Variants in CHRM3 observed in about 807,000 individuals in gnomAD.
CHRM3 encodes the protein muscarinic acetylcholine receptor M3.
CHRM3 carries 11 observed loss-of-function variants against 41.8 expected under a neutral mutation model. The observed-to-expected ratio is 0.26, with a 90% CI of 0.17 to 0.44. CHRM3 has a LOEUF of 0.44. Among genes scored for constraint, CHRM3 ranks in the 20% least tolerant of loss-of-function variants. The pLI, the probability that CHRM3 is intolerant of heterozygous loss-of-function variation, is 1.00. For missense variants in CHRM3, 571 were observed against 745.4 expected, an observed-to-expected ratio of 0.77 and a Z score of 2.72; for synonymous variants, 297 against 301.4, an observed-to-expected ratio of 0.99 and a Z score of 0.15.
chr1:239,734,415 G>A lies in CHRM3; in HGVS notation c.-147+56127G>A, dbSNP rs111345072. On this transcript the variant is annotated intron_variant, in intron 5 of 6. Transcript: ENST00000676153. Reference sequence around the variant, plus strand: ...CAATTAATTGAAACATATTAAGTGTGTTAAAATTCCATGGATTTATAATAA... The same window carrying A: ...CAATTAATTGAAACATATTAAGTGTATTAAAATTCCATGGATTTATAATAA... Among the ~76,000 whole-genome samples, 596 of 152,176 alleles carry A rather than the reference G, an allele frequency of 3.9e-3. 2 individuals are homozygous for A. The highest frequency in any genetic ancestry group is 0.013 in the African/African-American group (551 of 41,534).
intron 5 of CHRM3, among the ~76,000 whole-genome samples, chr1:239,684,515 G>A (rs894849217): frequency 8.6e-5 from 13 of 151,748 alleles, no homozygotes; most frequent in African/African-American, 2.9e-4. Context: ...GCAACATGGT[G>A]AAACCCCATC....
intron 4 of CHRM3, among the ~76,000 whole-genome samples, chr1:239,645,237 C>T (rs1671642384): frequency 6.6e-6 from 1 of 152,230 alleles, no homozygotes; most frequent in African/African-American, 2.4e-5. Context: ...ACTAGGGCCC[C>T]TGCCCAAGCC....
chr1:239,871,977 T>C (rs563787114), intron 6 of CHRM3, among the ~76,000 whole-genome samples: 1 of 152,298 alleles, frequency 6.6e-6, no homozygotes, highest in East Asian at 1.9e-4. Flanking sequence ...GTTGTGTTGA[T>C]TGAATTCTGG....
chr1:239,781,520 A>AT (rs1043379940), intron 5 of CHRM3, among the ~76,000 whole-genome samples: 1 of 151,852 alleles, frequency 6.6e-6, no homozygotes, highest in Non-Finnish European at 1.5e-5. Flanking sequence ...TGTTTTGGGG[A>AT]TTTTTTATGG....
At chr1:239,555,258 T>C (rs1233401536) in intron 3 of CHRM3, among the ~76,000 whole-genome samples, 1 of 152,226 alleles carries the variant, frequency 6.6e-6, no homozygotes, top group Non-Finnish European at 1.5e-5. Context: ...TTTTTGGTTC[T>C]TTGATTAAAG....
chr1:239,526,887 T>G (rs1238066334), intron 2 of CHRM3, among the ~76,000 whole-genome samples: 1 of 152,072 alleles, frequency 6.6e-6, no homozygotes, highest in Non-Finnish European at 1.5e-5. Context: ...TTGGGACTAC[T>G]AGGTAGGAGG....
chr1:239,892,430 C>A (rs926247274), intron 6 of CHRM3, among the ~76,000 whole-genome samples: 2 of 152,154 alleles, frequency 1.3e-5, no homozygotes, highest in African/African-American at 2.4e-5. Flanking sequence ...ATGATTTAAT[C>A]AAAATCTGAA....
chr1:239,431,055 C>T (rs141665044), intron 1 of CHRM3, among the ~76,000 whole-genome samples: 36 of 152,208 alleles, frequency 2.4e-4, no homozygotes, highest in Non-Finnish European at 4.0e-4. Flanking sequence ...TACTGTGGAA[C>T]CAAACTCTTC....
chr1:239,471,498 A>G (rs1666120714), intron 1 of CHRM3, among the ~76,000 whole-genome samples: 1 of 152,212 alleles, frequency 6.6e-6, no homozygotes, highest in Non-Finnish European at 1.5e-5. Flanking sequence ...GGGTTGTCTT[A>G]TGGCTCAGAG....
chr1:239,818,085 T>G (rs1671741126), intron 5 of CHRM3, among the ~76,000 whole-genome samples: 1 of 152,156 alleles, frequency 6.6e-6, no homozygotes, highest in African/African-American at 2.4e-5. Context: ...ATCTCACAGT[T>G]CTGGAAGCTG....
At chr1:239,738,020 A>C (rs1439097906) in intron 5 of CHRM3, among the ~76,000 whole-genome samples, 2 of 152,200 alleles carry the variant, frequency 1.3e-5, no homozygotes, top group African/African-American at 4.8e-5. Context: ...ACAACAACAA[A>C]AAACTGAAAT....
chr1:239,589,215 T>C (rs2148626792), intron 3 of CHRM3, among the ~76,000 whole-genome samples: 1 of 152,228 alleles, frequency 6.6e-6, no homozygotes, highest in East Asian at 1.9e-4. Flanking sequence ...ATTACAGGCG[T>C]GAGCCACTGT....
intron 1 of CHRM3, among the ~76,000 whole-genome samples, chr1:239,401,989 CTTG>C (rs1190012368): frequency 6.6e-6 from 1 of 152,094 alleles, no homozygotes; most frequent in Non-Finnish European, 1.5e-5. Context: ...TTTATTCACT[CTTG>C]TTGTTTGCAG....
intron 1 of CHRM3, among the ~76,000 whole-genome samples, chr1:239,409,306 T>C (rs866428520): frequency 6.6e-6 from 1 of 152,290 alleles, no homozygotes. Context: ...TTCAGGATGC[T>C]GATGTGGGCA....
chr1:239,775,261 C>T (rs181634785), intron 5 of CHRM3, among the ~76,000 whole-genome samples: 31 of 152,074 alleles, frequency 2.0e-4, no homozygotes, highest in South Asian at 4.1e-4. Flanking sequence ...ATAAGTTATA[C>T]TTATTGTTGA....
chr1:239,644,343 C>T (rs1382513166), intron 4 of CHRM3, among the ~76,000 whole-genome samples: 1 of 152,110 alleles, frequency 6.6e-6, no homozygotes, highest in African/African-American at 2.4e-5. Flanking sequence ...TCCCACCCAC[C>T]CGTCTTCCCA....
chr1:239,684,738 G>GAA (rs1294174937), intron 5 of CHRM3, among the ~76,000 whole-genome samples: 6 of 62,350 alleles, frequency 9.6e-5, no homozygotes, highest in Non-Finnish European at 1.4e-4. Context: ...AAAGGAAAGA[G>GAA]AGAAAGAAAG....
chr1:239,809,861 T>C (rs1321651925), intron 5 of CHRM3, among the ~76,000 whole-genome samples: 1 of 152,144 alleles, frequency 6.6e-6, no homozygotes, highest in Non-Finnish European at 1.5e-5. Context: ...ACTGAGATGT[T>C]TGGGCCTTAT....
At chr1:239,479,712 G>T (rs1666703834) in intron 1 of CHRM3, among the ~76,000 whole-genome samples, 1 of 151,982 alleles carries the variant, frequency 6.6e-6, no homozygotes, top group Non-Finnish European at 1.5e-5. Context: ...GTAACACAAT[G>T]GTAAGTATCT....
Sources: allele counts gnomAD v4.1 joint callset (sites outside exome capture counted in the v4.1 genomes callset), GRCh38; gene constraint gnomAD v4.1.1; transcripts MANE v1.5; gene names NCBI Gene and HGNC (gene_info 2026-07-23, HGNC 2026-07-21).